The following PDSS1 variants were observed in gnomAD, a reference collection of about 807,000 sequenced individuals.
PDSS1 encodes all trans-polyprenyl-diphosphate synthase PDSS1.
PDSS1 carries 43 observed loss-of-function variants against 57.5 expected under a neutral mutation model. The ratio of observed to expected loss-of-function variants is 0.75; its 90% CI spans 0.59 to 0.96. The LOEUF is 0.96. PDSS1 is among the 50% of genes least tolerant of loss of function. The pLI, the probability that PDSS1 is intolerant of heterozygous loss-of-function variation, is 0.00. For synonymous variants in PDSS1, 175 were observed against 191.3 expected, an observed-to-expected ratio of 0.91 and a Z score of 0.70; for missense variants, 438 against 527.8, an observed-to-expected ratio of 0.83 and a Z score of 1.67.
intron 5 of PDSS1, among the ~76,000 whole-genome samples, chr10:26,717,188 C>A (rs1835611678): frequency 6.6e-6 from 1 of 152,146 alleles, no homozygotes; most frequent in African/African-American, 2.4e-5. Flanking sequence ...ATCCTGATTT[C>A]ATCAGTCAAC....
chr10:26,700,051 C>T (rs1336408225), intron 1 of PDSS1, among the ~76,000 whole-genome samples: 1 of 152,206 alleles, frequency 6.6e-6, no homozygotes, highest in Non-Finnish European at 1.5e-5. Context: ...GCTCTACTAC[C>T]TCCTAATGGT....
chr10:26,746,671 G>C lies in PDSS1; in HGVS notation c.*198G>C. ...TTTAAATGTAATTAATAAACCACCT[G>C]AATCTGTCATTCTAGTCCTATAAAT... On this transcript the variant is annotated 3_prime_UTR_variant, in exon 12 of 12. Transcript: ENST00000376215. 1 of 575,960 alleles carries C rather than the reference G, an allele frequency of 1.7e-6. No homozygotes were observed. The highest frequency in any genetic ancestry group is 3.1e-6 in the Non-Finnish European group (1 of 323,468). 35.7% of individuals were successfully genotyped at this position (575,960 alleles called of 1,614,324 possible).
At chr10:26,742,914 C>G (rs1481316330) in intron 11 of PDSS1, among the ~76,000 whole-genome samples, 3 of 152,200 alleles carry the variant, frequency 2.0e-5, no homozygotes, top group African/African-American at 7.2e-5. Flanking sequence ...AACAGAATCA[C>G]TGGGCCCCCA....
At chr10:26,722,171 A>AGGG (rs2132264914) in intron 6 of PDSS1, among the ~76,000 whole-genome samples, 1 of 152,294 alleles carries the variant, frequency 6.6e-6, no homozygotes, top group African/African-American at 2.4e-5. Context: ...CTAATGATGT[A>AGGG]GGGGCTGGGT....
intron 5 of PDSS1, among the ~76,000 whole-genome samples, chr10:26,714,389 C>T (rs1393646216): frequency 4.6e-5 from 7 of 151,154 alleles, no homozygotes; most frequent in Admixed American, 4.0e-4. Context: ...GCAGGAGAAT[C>T]GCTTGAACCC....
intron 10 of PDSS1, among the ~76,000 whole-genome samples, chr10:26,738,930 T>A (rs1836492865): frequency 6.6e-6 from 1 of 152,226 alleles, no homozygotes; most frequent in Non-Finnish European, 1.5e-5. Flanking sequence ...TCTTTAAGAA[T>A]AAAAACCTCA....
intron 1 of PDSS1, among the ~76,000 whole-genome samples, chr10:26,700,493 T>C (rs1615712): frequency 0.91 from 138,155 of 151,992 alleles, 63,053 homozygotes; most frequent in East Asian, 1. Context: ...TCCCCAATTA[T>C]ATTTGGGGAC....
intron 10 of PDSS1, chr10:26,740,684 T>A (rs1365990924): frequency 2.2e-6 from 1 of 456,744 alleles, no homozygotes; most frequent in South Asian, 1.5e-5. Flanking sequence ...CTGTAAGCAC[T>A]GACGTGGCCA....
chr10:26,706,175 A>C (rs970707395), intron 4 of PDSS1, among the ~76,000 whole-genome samples: 14 of 152,216 alleles, frequency 9.2e-5, no homozygotes, highest in Non-Finnish European at 1.9e-4. Flanking sequence ...AGGCCAAAGC[A>C]AGAGGACTGC....
rs1231074655 is a variant in PDSS1, at chr10:26,709,768, G to A, written c.467G>A (p.Arg156Gln). 1.2e-6 allele frequency: 2 copies of A among 1,613,776 alleles called. No individual in the cohort carries two copies. The highest frequency in any genetic ancestry group is 1.7e-5 in the Admixed American group (1 of 59,986). The change falls in exon 5 of 12, where the codon CGA (arginine) becomes CAA (glutamine). Residue 156 changes from arginine to glutamine, a missense_variant and splice_region_variant. Arg to Gln is a conservative substitution (Grantham distance 43). Transcript: ENST00000376215. ...RACNIHHNNS[R>Q]HVQASQRAIA... ...TGCAATATTCATCATAACAACTCCC[G>A]GTGAGCTCTTTTTTTCATTCCTTTC...
At chr10:26,707,422 G>A (rs1253215820) in intron 4 of PDSS1, among the ~76,000 whole-genome samples, 2 of 152,094 alleles carry the variant, frequency 1.3e-5, no homozygotes, top group African/African-American at 4.8e-5. Flanking sequence ...TGACCATCAC[G>A]TGATGGTCGC....
intron 8 of PDSS1, among the ~76,000 whole-genome samples, chr10:26,729,380 A>G (rs1484294257): frequency 1.3e-5 from 2 of 152,198 alleles, no homozygotes; most frequent in Non-Finnish European, 2.9e-5. Context: ...ATGTAGGTAG[A>G]TACGTGTATA....
At position 26,704,482 on chromosome 10, in the gene PDSS1, A is replaced by T. The variant is rs533117702; in HGVS notation, c.163-195A>T. On this transcript the variant is annotated intron_variant, in intron 2 of 11. Transcript: ENST00000376215. ...GGTTTTTATTTTCTCCTTTTTTCTT[A>T]TTTATGTTTTCTGCAATGACAAGTA... is the stretch of plus-strand genomic sequence containing the variant. 2.1e-3 allele frequency among the ~76,000 whole-genome samples: 314 copies of T among 152,210 alleles called. 1 individual carries two copies. The highest frequency in any genetic ancestry group is 7.1e-3 in the African/African-American group (294 of 41,548).
intron 5 of PDSS1, among the ~76,000 whole-genome samples, chr10:26,716,103 C>T (rs115274520): frequency 2.5e-3 from 384 of 152,218 alleles, no homozygotes; most frequent in African/African-American, 8.8e-3. Flanking sequence ...CTGAGCCTTA[C>T]GTGTTTCTTT....
intron 2 of PDSS1, among the ~76,000 whole-genome samples, chr10:26,703,936 C>T (rs531763547): frequency 1.3e-5 from 2 of 151,856 alleles, no homozygotes; most frequent in South Asian, 4.2e-4. Flanking sequence ...AAAAAATTAG[C>T]CAGGCGAGGT....
At chr10:26,709,796 GT>G in intron 5 of PDSS1, 28 bp downstream of exon 5, 1 of 1,611,068 alleles carries the variant, frequency 6.2e-7, no homozygotes, top group Non-Finnish European at 8.5e-7. Flanking sequence ...TTCCTTTCTT[GT>G]TTTTATATTT....
chr10:26,699,608 T>A (rs1834982408), intron 1 of PDSS1, among the ~76,000 whole-genome samples: 2 of 152,124 alleles, frequency 1.3e-5, no homozygotes, highest in Admixed American at 6.5e-5. Flanking sequence ...TTGCCCAGGC[T>A]GGTCTGGAAC....
intron 8 of PDSS1, chr10:26,734,859 C>T (rs956540421): frequency 6.9e-6 from 3 of 432,832 alleles, no homozygotes; most frequent in Middle Eastern, 4.5e-4. Flanking sequence ...GCTAGCTTGC[C>T]GAGTGCTAGA....
intron 1 of PDSS1, among the ~76,000 whole-genome samples, chr10:26,699,801 C>T (rs950341336): frequency 1.8e-4 from 28 of 152,164 alleles, no homozygotes; most frequent in Non-Finnish European, 3.7e-4. Flanking sequence ...GTCTGCATGA[C>T]GACAAGGAGG....
Sources: gnomAD v4.1 joint callset for allele counts (sites outside exome capture counted in the v4.1 genomes callset) on GRCh38, gnomAD v4.1.1 for gene constraint, MANE v1.5 for transcripts, NCBI Gene and HGNC (gene_info 2026-07-23, HGNC 2026-07-21) for gene names.